The following PDS5A variants were observed in gnomAD, a reference collection of about 807,000 sequenced individuals.
PDS5A encodes PDS5 cohesin associated factor A.
PDS5A carries 42 observed loss-of-function variants against 167.1 expected under a neutral mutation model. That is an observed-to-expected ratio of 0.25 (90% CI 0.20 to 0.33). The LOEUF is 0.33. PDS5A is among the 10% of genes least tolerant of loss of function. The pLI is 1.00. For missense variants in PDS5A, 1,033 were observed against 1,605.9 expected (o/e 0.64, Z 6.10); for synonymous variants, 553 against 554.6 (o/e 1.00, Z 0.04).
At chr4:39,914,898 A>C (rs1287854904) in intron 8 of PDS5A, among the ~76,000 whole-genome samples, 2 of 152,254 alleles carry the variant, frequency 1.3e-5, no homozygotes, top group Non-Finnish European at 2.9e-5. Flanking sequence ...AGAAAAATAA[A>C]GACCACAGGA....
chr4:39,931,743 G>T (rs943415076), intron 2 of PDS5A, among the ~76,000 whole-genome samples: 3 of 152,092 alleles, frequency 2.0e-5, no homozygotes, highest in Non-Finnish European at 4.4e-5. Context: ...GGACAGCCCC[G>T]TTCAGTGTTG....
chr4:39,869,558 G>A, intron 21 of PDS5A, 96 bp from the exon 22 acceptor site: 1 of 754,104 alleles, frequency 1.3e-6, no homozygotes, highest in East Asian at 2.5e-5. Context: ...CAGCCTCTGA[G>A]AAACCTACGG....
chr4:39,842,909 TTATATATATATATATATA>T lies in PDS5A; in HGVS notation c.3549-871_3549-854del, dbSNP rs71194933. On this transcript the variant is annotated intron_variant, in intron 30 of 32. Transcript: ENST00000303538. ...AGAACAATGTAAACTTATCCTATTT[TTATATATATATATATATA>T]TATATATATATTTTAAGAGACAGGG... 8.7e-5 allele frequency among the ~76,000 whole-genome samples: 8 copies of T among 92,302 alleles called. 1 individual carries two copies. The highest frequency in any genetic ancestry group is 2.2e-4 in the Admixed American group (2 of 9,032). 60.6% of individuals were successfully genotyped at this position (92,302 alleles called of 152,430 possible). A position where few individuals can be genotyped will look rare whatever the true frequency, so the allele number is the denominator to read the frequency against.
At chr4:39,964,523 G>A (rs916111333) in intron 2 of PDS5A, among the ~76,000 whole-genome samples, 6 of 152,126 alleles carry the variant, frequency 3.9e-5, no homozygotes, top group Non-Finnish European at 8.8e-5. Flanking sequence ...GATCAACGTA[G>A]AGCGACCCCC....
At chr4:39,834,184 C>CAAA (rs34080418) in intron 32 of PDS5A, among the ~76,000 whole-genome samples, 2 of 108,334 alleles carry the variant, frequency 1.8e-5, no homozygotes, top group East Asian at 2.7e-4. Context: ...GATATTGTCT[C>CAAA]AAAAAAAAAA....
chr4:39,958,553 C>G (rs1174359428), intron 2 of PDS5A, among the ~76,000 whole-genome samples: 1 of 149,852 alleles, frequency 6.7e-6, no homozygotes, highest in Non-Finnish European at 1.5e-5. Flanking sequence ...CTAAGCCTTA[C>G]CTAACCCTAA....
intron 32 of PDS5A, among the ~76,000 whole-genome samples, chr4:39,834,634 C>T (rs922986531): frequency 6.6e-6 from 1 of 152,212 alleles, no homozygotes; most frequent in Admixed American, 6.5e-5. Context: ...GTTAAACTCA[C>T]AGGACCCTCA....
chr4:39,829,623 G>A (rs451812), intron 32 of PDS5A, among the ~76,000 whole-genome samples: 11,711 of 150,690 alleles, frequency 0.078, 522 homozygotes, highest in Middle Eastern at 0.18. Context: ...CTCCAGCCTG[G>A]GTGACAGAGT....
At chr4:39,961,287 CCTTTT>C (rs763992273) in intron 2 of PDS5A, among the ~76,000 whole-genome samples, 5 of 152,028 alleles carry the variant, frequency 3.3e-5, no homozygotes, top group Admixed American at 6.6e-5. Context: ...TCTTTTCTTT[CCTTTT>C]ATTTTTTATT....
chr4:39,920,526 A>G (rs1282829662), intron 6 of PDS5A, 127 bp from the exon 7 acceptor site: 2 of 438,734 alleles, frequency 4.6e-6, no homozygotes, highest in Non-Finnish European at 8.3e-6. Flanking sequence ...TATGAAGCAA[A>G]AATAAAAATA....
chr4:39,948,063 C>A (rs568449935), intron 2 of PDS5A, among the ~76,000 whole-genome samples: 108 of 152,056 alleles, frequency 7.1e-4, no homozygotes, highest in African/African-American at 2.5e-3. Context: ...CTAGCCTGGG[C>A]AACAACTGCA....
chr4:39,848,475 A>C (rs1413508141), intron 28 of PDS5A: 1 of 212,086 alleles, frequency 4.7e-6, no homozygotes, highest in Admixed American at 5.3e-5. Context: ...TAACATCTGC[A>C]TTATAAAGAT....
chr4:39,954,438 C>T (rs1451689325), intron 2 of PDS5A, among the ~76,000 whole-genome samples: 1 of 151,960 alleles, frequency 6.6e-6, no homozygotes, highest in Admixed American at 6.6e-5. Flanking sequence ...CCTGCCTCGG[C>T]CTCCTGAGTA....
At chr4:39,949,076 T>G (rs934603112) in intron 2 of PDS5A, among the ~76,000 whole-genome samples, 1 of 151,144 alleles carries the variant, frequency 6.6e-6, no homozygotes, top group African/African-American at 2.4e-5. Context: ...AGGCCAGAGA[T>G]CACCTGAGCA....
chr4:39,908,338 T>C (rs1723576621), intron 11 of PDS5A, 57 bp downstream of exon 11: 3 of 1,293,788 alleles, frequency 2.3e-6, no homozygotes, highest in Non-Finnish European at 3.3e-6. Context: ...TGATACCCAA[T>C]TGTATTTAGC....
At chr4:39,845,481 T>G (rs1010873014) in intron 29 of PDS5A, among the ~76,000 whole-genome samples, 1 of 152,196 alleles carries the variant, frequency 6.6e-6, no homozygotes, top group Admixed American at 6.6e-5. Flanking sequence ...ATTACTTACA[T>G]AGAACATGAA....
intron 21 of PDS5A, among the ~76,000 whole-genome samples, chr4:39,871,326 T>C (rs535035139): frequency 2.0e-5 from 3 of 152,230 alleles, no homozygotes; most frequent in Non-Finnish European, 4.4e-5. Context: ...AAACACAATC[T>C]ATCAACAATC....
rs11430818 is a variant in PDS5A, at chr4:39,954,181, G to GAA, written c.138+22257_138+22258dup. On this transcript the variant is annotated intron_variant, in intron 2 of 32. Transcript: ENST00000303538. ...CATAGTGAGGCTCTATCTCTACGGA[G>GAA]AAAAAAAAACAAACAAACAGAAAAA... is the stretch of plus-strand genomic sequence containing the variant. 6.9e-4 allele frequency among the ~76,000 whole-genome samples: 100 copies of GAA among 145,928 alleles called. 1 individual carries two copies. The highest frequency in any genetic ancestry group is 2.9e-3 in the East Asian group (14 of 4,888).
chr4:39,977,198 G>A lies in PDS5A; in HGVS notation c.-41+259C>T, dbSNP rs1731197932. 6.6e-6 allele frequency among the ~76,000 whole-genome samples: 1 copy of A among 151,552 alleles called. No homozygotes were observed. Among genetic ancestry groups the A allele is most frequent in the South Asian group, 2.1e-4 (1 of 4,802 alleles). ...CCCCCGCGGGAGGGGAAAACAAGCC[G>A]CCCTCCACCCTCAGCCCCACGCCAG... On this transcript the variant is annotated intron_variant, in intron 1 of 32. Coordinates refer to ENST00000303538, the MANE Select transcript of PDS5A (RefSeq NM_001100399.2). The surrounding 1 kb of genome is among the most constrained non-coding windows in gnomAD (Gnocchi z 4.2).
Sources: gnomAD v4.1 joint callset for allele counts (sites outside exome capture counted in the v4.1 genomes callset) on GRCh38, gnomAD v4.1.1 for gene constraint, Gnocchi (gnomAD v3.1) non-coding constraint, MANE v1.5 for transcripts, NCBI Gene and HGNC (gene_info 2026-07-23, HGNC 2026-07-21) for gene names.